ITGBL1: variants seen among roughly 807,000 people sequenced by gnomAD.
The protein encoded by ITGBL1 is integrin beta-like protein 1.
In ITGBL1, 51 loss-of-function variants were observed where a neutral mutation model predicts 68.5. The ratio of observed to expected loss-of-function variants is 0.74; its 90% CI spans 0.59 to 0.94. The LOEUF (loss-of-function observed/expected upper bound fraction) is 0.94. ITGBL1 is among the 40% of genes least tolerant of loss of function. The pLI is 0.00. For missense variants in ITGBL1, 649 were observed against 647.4 expected (o/e 1.00, Z -0.03); for synonymous variants, 209 against 227.3 (o/e 0.92, Z 0.72).
chr13:101,518,524 A>G (rs2049231782), intron 2 of ITGBL1, among the ~76,000 whole-genome samples: 1 of 152,142 alleles, frequency 6.6e-6, no homozygotes, highest in African/African-American at 2.4e-5. Context: ...GTCATTCAGA[A>G]TCTTCTTAAT....
intron 2 of ITGBL1, among the ~76,000 whole-genome samples, chr13:101,503,089 C>T (rs552598134): frequency 4.6e-5 from 7 of 152,276 alleles, no homozygotes; most frequent in South Asian, 4.1e-4. Flanking sequence ...CTGTGTTCCA[C>T]CAGCCAGATG....
At chr13:101,604,883 T>TACACACACACACAC (rs1444965646) in intron 7 of ITGBL1, among the ~76,000 whole-genome samples, 6 of 12,970 alleles carry the variant, frequency 4.6e-4, no homozygotes, top group African/African-American at 7.9e-4. Context: ...TATATATATA[T>TACACACACACACAC]ATATACACAC....
At chr13:101,636,764 T>G (rs1022976915) in intron 7 of ITGBL1, among the ~76,000 whole-genome samples, 1 of 152,154 alleles carries the variant, frequency 6.6e-6, no homozygotes, top group African/African-American at 2.4e-5. Context: ...TTTTCAATAT[T>G]GAAATACGTT....
At chr13:101,640,304 A>G (rs1030281041) in intron 7 of ITGBL1, among the ~76,000 whole-genome samples, 28 of 152,188 alleles carry the variant, frequency 1.8e-4, no homozygotes, top group Non-Finnish European at 1.5e-4. Context: ...TGGCTTACTC[A>G]ATGTAAATTT....
At chr13:101,557,101 G>A (rs1010923543) in intron 2 of ITGBL1, among the ~76,000 whole-genome samples, 1 of 152,178 alleles carries the variant, frequency 6.6e-6, no homozygotes, top group African/African-American at 2.4e-5. Context: ...AGCTCCTGCT[G>A]GGGCATGAGG....
chr13:101,560,433 C>G (rs1248722712), intron 2 of ITGBL1, among the ~76,000 whole-genome samples: 2 of 152,124 alleles, frequency 1.3e-5, no homozygotes, highest in Admixed American at 1.3e-4. Flanking sequence ...CCTAGCTTAT[C>G]AGATGCACAG....
chr13:101,713,616 A>G (rs757010205), intron 9 of ITGBL1: 5 of 152,178 alleles, frequency 3.3e-5, no homozygotes, highest in Non-Finnish European at 7.3e-5. Context: ...TCTGTCATGG[A>G]AAGCTGTTTA....
chr13:101,510,932 C>T (rs1483173163), intron 2 of ITGBL1, among the ~76,000 whole-genome samples: 1 of 151,882 alleles, frequency 6.6e-6, no homozygotes. Flanking sequence ...ATATTTTCTC[C>T]CATTCTGTAT....
chr13:101,684,819 A>G (rs2033719611), intron 7 of ITGBL1, among the ~76,000 whole-genome samples: 1 of 151,862 alleles, frequency 6.6e-6, no homozygotes, highest in East Asian at 1.9e-4. Context: ...GCACCAACCA[A>G]TTATTATTAT....
At chr13:101,603,670 G>A (rs930045189) in intron 7 of ITGBL1, among the ~76,000 whole-genome samples, 3 of 140,920 alleles carry the variant, frequency 2.1e-5, no homozygotes, top group Admixed American at 1.5e-4. Context: ...ACCATAGGAA[G>A]GCTAACCACT....
At chr13:101,648,874 C>A (rs1480540100) in intron 7 of ITGBL1, among the ~76,000 whole-genome samples, 2 of 152,014 alleles carry the variant, frequency 1.3e-5, no homozygotes. Context: ...ATATTATTTT[C>A]TTTCACTTGA....
At chr13:101,561,864 A>G (rs1294972535) in intron 2 of ITGBL1, among the ~76,000 whole-genome samples, 2 of 151,876 alleles carry the variant, frequency 1.3e-5, no homozygotes, top group East Asian at 3.9e-4. Flanking sequence ...ATACTTGACA[A>G]ACTTGAATCT....
chr13:101,692,703 T>C lies in ITGBL1; in HGVS notation c.1132+2T>C, dbSNP rs1291377382. 3.8e-6 allele frequency: 6 copies of C among 1,595,988 alleles called. No individual in the cohort carries two copies. The highest frequency in any genetic ancestry group is 4.3e-6 in the Non-Finnish European group (5 of 1,163,732). On this transcript the variant is annotated splice_donor_variant, in intron 8 of 10. Transcript: ENST00000376180. LOFTEE classifies it high-confidence loss of function. ...ACCTCGATGGTGTGGTCTGTGGAGGTAGTAACCTTTCTCATAGCTGTATGC... is the reference window on the plus strand; with the variant it reads ...ACCTCGATGGTGTGGTCTGTGGAGGCAGTAACCTTTCTCATAGCTGTATGC...
In ITGBL1 at chr13:101,583,279, T is replaced by C. The variant is rs759322869; in HGVS notation, c.791T>C (p.Ile264Thr). The change falls in exon 6 of 11, where the codon ATT becomes ACT. Residue 264 changes from isoleucine (I) to threonine (T), a missense_variant. Coordinates refer to ENST00000376180, the MANE Select transcript of ITGBL1 (RefSeq NM_004791.3). ...DVDPTGDWGD[I>T]HGDTCECDER... ...GATCCGACTGGGGACTGGGGAGATA[T>C]TCATGGGGACACCTGTGAATGTGAT... The C allele has an allele frequency of 6.2e-6, 10 of 1,613,630 alleles. No homozygotes were observed. Among genetic ancestry groups the C allele is most frequent in the Non-Finnish European group, 8.5e-6 (10 of 1,179,776 alleles).
rs541095905 is a variant in ITGBL1 at position 101,513,935 on chromosome 13, G to A, written c.317-53764G>A. Reference sequence around the variant, plus strand: ...TTTTTCTGCAATAACTGAGAATGAAGTGCATATTTAAATAAATATTTATAT... The same window carrying A: ...TTTTTCTGCAATAACTGAGAATGAAATGCATATTTAAATAAATATTTATAT... On this transcript the variant is annotated intron_variant, in intron 2 of 10. Coordinates refer to ENST00000376180, the MANE Select transcript of ITGBL1 (RefSeq NM_004791.3). 1.8e-3 allele frequency among the ~76,000 whole-genome samples: 277 copies of A among 152,086 alleles called. 1 individual carries two copies. The highest frequency in any genetic ancestry group is 6.5e-3 in the African/African-American group (268 of 41,514).
At chr13:101,644,675 C>T (rs138781154) in intron 7 of ITGBL1, among the ~76,000 whole-genome samples, 2 of 152,164 alleles carry the variant, frequency 1.3e-5, no homozygotes, top group African/African-American at 4.8e-5. Flanking sequence ...GTTCAAAATG[C>T]GCTGTAACCA....
chr13:101,479,459 G>C (rs976000100), intron 2 of ITGBL1, among the ~76,000 whole-genome samples: 1 of 151,954 alleles, frequency 6.6e-6, no homozygotes, highest in African/African-American at 2.4e-5. Context: ...TGGACAAATG[G>C]GATCACATCA....
At chr13:101,566,439 T>C (rs1359808589) in intron 2 of ITGBL1, among the ~76,000 whole-genome samples, 2 of 152,128 alleles carry the variant, frequency 1.3e-5, no homozygotes, top group African/African-American at 4.8e-5. Context: ...GAGGGAGTAA[T>C]GTGTGCTGAA....
At chr13:101,674,171 T>TAC (rs890691337) in intron 7 of ITGBL1, among the ~76,000 whole-genome samples, 1 of 152,208 alleles carries the variant, frequency 6.6e-6, no homozygotes. Flanking sequence ...TGCAACCTAA[T>TAC]ACACACACAC....
Sources: allele counts gnomAD v4.1 joint callset (sites outside exome capture counted in the v4.1 genomes callset), GRCh38; gene constraint gnomAD v4.1.1; transcripts MANE v1.5; gene names NCBI Gene and HGNC (gene_info 2026-07-23, HGNC 2026-07-21).